RIMBP2: variants seen among roughly 807,000 people sequenced by gnomAD.
The protein encoded by RIMBP2 is RIMS binding protein 2.
In RIMBP2, 48 loss-of-function variants were observed where a neutral mutation model predicts 118.6. The observed-to-expected ratio is 0.40, with a 90% confidence interval of 0.32 to 0.51. The LOEUF is 0.51. Among genes scored for constraint, RIMBP2 ranks in the 20% least tolerant of loss-of-function variants. The pLI is 0.41. For synonymous variants in RIMBP2, 762 were observed against 742.9 expected (o/e 1.03, Z -0.42); for missense variants, 1,551 against 1,768.3 (o/e 0.88, Z 2.20).
intron 19 of RIMBP2, among the ~76,000 whole-genome samples, chr12:130,412,133 T>A (rs542397826): frequency 1.3e-5 from 2 of 152,164 alleles, no homozygotes; most frequent in Non-Finnish European, 2.9e-5. Context: ...TCACTGGTGC[T>A]TGCAGACTGG....
chr12:130,609,847 C>A (rs1381622122), intron 2 of RIMBP2, among the ~76,000 whole-genome samples: 1 of 152,100 alleles, frequency 6.6e-6, no homozygotes, highest in African/African-American at 2.4e-5. Context: ...TCAGCATCTG[C>A]GGGCAGGACA....
intron 7 of RIMBP2, among the ~76,000 whole-genome samples, chr12:130,451,683 C>T (rs1018108569): frequency 7.3e-5 from 11 of 151,590 alleles, no homozygotes; most frequent in African/African-American, 2.7e-4. Flanking sequence ...CTCAGGGAGG[C>T]CGCAAACCTC....
At position 130,682,998 on chromosome 12, in the gene RIMBP2, C is replaced by T. The variant is rs139260196; in HGVS notation, c.-352+33224G>A. Among the ~76,000 whole-genome samples, 448 of 152,224 alleles carry T rather than the reference C, an allele frequency of 2.9e-3. 3 individuals are homozygous for T. The highest frequency in any genetic ancestry group is 1.1e-3 in the Non-Finnish European group (74 of 68,018). On this transcript the variant is annotated intron_variant, in intron 1 of 22. Coordinates refer to ENST00000690449, the MANE Select transcript of RIMBP2 (RefSeq NM_001393629.1). ...GGCTTATTTTGTTGTCTAATTATGT[C>T]GGAGGCGCACTATGTCTCATTCTTT... is the stretch of plus-strand genomic sequence containing the variant.
intron 2 of RIMBP2, among the ~76,000 whole-genome samples, chr12:130,597,995 G>T (rs1477259655): frequency 1.3e-5 from 2 of 152,090 alleles, no homozygotes; most frequent in African/African-American, 4.8e-5. Context: ...AAATCCAACA[G>T]AATTAACAAA....
At chr12:130,713,257 GGAAGGAAGGAA>G (rs1950085332) in intron 1 of RIMBP2, among the ~76,000 whole-genome samples, 4 of 150,602 alleles carry the variant, frequency 2.7e-5, no homozygotes, top group African/African-American at 4.9e-5. Context: ...AAGGAAGGAA[GGAAGGAAGGAA>G]GGAAGGACTG....
At chr12:130,519,523 C>G (rs1316771487) in intron 2 of RIMBP2, among the ~76,000 whole-genome samples, 1 of 152,190 alleles carries the variant, frequency 6.6e-6, no homozygotes, top group African/African-American at 2.4e-5. Flanking sequence ...TGTTGCCTTT[C>G]TCAAGTAAAG....
intron 2 of RIMBP2, among the ~76,000 whole-genome samples, chr12:130,572,290 C>G (rs140230669): frequency 1.1e-3 from 170 of 152,318 alleles, no homozygotes; most frequent in African/African-American, 3.7e-3. Context: ...GCAAAAGATG[C>G]CTTTGAAGAC....
chr12:130,676,341 G>T (rs1373367799), intron 1 of RIMBP2, among the ~76,000 whole-genome samples: 1 of 151,550 alleles, frequency 6.6e-6, no homozygotes, highest in Non-Finnish European at 1.5e-5. Flanking sequence ...AAAAAAAACG[G>T]GGGCCAGGCA....
intron 1 of RIMBP2, among the ~76,000 whole-genome samples, chr12:130,648,756 A>C (rs924666767): frequency 7.0e-6 from 1 of 143,290 alleles, no homozygotes; most frequent in African/African-American, 2.5e-5. Context: ...TCCCGGGTTC[A>C]AGCGATTCTC....
chr12:130,503,214 C>T (rs1284470833), intron 4 of RIMBP2, among the ~76,000 whole-genome samples: 1 of 148,384 alleles, frequency 6.7e-6, no homozygotes. Flanking sequence ...TCGCAAAACC[C>T]TGTCTCCACT....
intron 2 of RIMBP2, among the ~76,000 whole-genome samples, chr12:130,559,323 GC>G (rs1359474520): frequency 1.3e-5 from 2 of 151,624 alleles, no homozygotes; most frequent in Admixed American, 6.6e-5. Context: ...CCTACCCCAT[GC>G]CCTGGCCCCA....
intron 2 of RIMBP2, among the ~76,000 whole-genome samples, chr12:130,564,249 C>T (rs975494735): frequency 2.6e-5 from 4 of 152,274 alleles, no homozygotes; most frequent in East Asian, 1.9e-4. Context: ...ATATTTCATC[C>T]GACGCCACCC....
chr12:130,449,602 G>A (rs907656407), intron 9 of RIMBP2, among the ~76,000 whole-genome samples: 6 of 150,808 alleles, frequency 4.0e-5, no homozygotes, highest in Admixed American at 1.3e-4. Flanking sequence ...TCTCGGTGGC[G>A]GGATGTCCCC....
intron 2 of RIMBP2, among the ~76,000 whole-genome samples, chr12:130,580,214 T>C (rs984682621): frequency 2.8e-5 from 4 of 144,584 alleles, no homozygotes; most frequent in Admixed American, 1.4e-4. Context: ...AAAAAAAAAG[T>C]AATATTGACC....
chr12:130,451,174 C>G (rs1235663672), intron 8 of RIMBP2, 21 bp downstream of exon 8: 2 of 1,609,800 alleles, frequency 1.2e-6, no homozygotes, highest in East Asian at 2.2e-5. Flanking sequence ...GCCCCGGCAG[C>G]CCCTGCGGGA....
At position 130,693,844 on chromosome 12, in the gene RIMBP2, C is replaced by T. The variant is rs557644695; in HGVS notation, c.-352+22378G>A. On this transcript the variant is annotated intron_variant, in intron 1 of 22. Transcript: ENST00000690449. Reference sequence around the variant, plus strand: ...CTTTCTCTTGCCCCTCGTCCATTACCGCTCCCTTGCTTCCTGCCTGGAATG... The same window carrying T: ...CTTTCTCTTGCCCCTCGTCCATTACTGCTCCCTTGCTTCCTGCCTGGAATG... Among the ~76,000 whole-genome samples the T allele has an allele frequency of 1.8e-4, 28 of 152,290 alleles. No homozygotes were observed. The Middle Eastern group carries it at 0.01, about 55-fold the overall frequency.
Position 130,665,905 on chromosome 12 carries a change from G to A in RIMBP2, c.-351-37449C>T, listed in dbSNP as rs114368639. On this transcript the variant is annotated intron_variant, in intron 1 of 22. Transcript: ENST00000690449. ...ATGTTCCTGCTCTTCGGAAATGCAT[G>A]CTGGGGCACGTATGGGGTGAAGGGA... 8.2e-3 allele frequency among the ~76,000 whole-genome samples: 1,251 copies of A among 152,222 alleles called. 16 individuals carry two copies. The highest frequency in any genetic ancestry group is 0.029 in the African/African-American group (1,206 of 41,522).
intron 2 of RIMBP2, among the ~76,000 whole-genome samples, chr12:130,605,366 TAA>T (rs1435676998): frequency 2.0e-5 from 3 of 152,242 alleles, no homozygotes; most frequent in African/African-American, 4.8e-5. Flanking sequence ...TGTTTCCAAC[TAA>T]AAGAGACTAA....
At chr12:130,613,873 G>A (rs961460045) in intron 2 of RIMBP2, among the ~76,000 whole-genome samples, 7 of 149,222 alleles carry the variant, frequency 4.7e-5, no homozygotes, top group South Asian at 2.1e-4. Context: ...GGCCTTTTCC[G>A]TTCTTCCTGC....
Sources: gnomAD v4.1 joint callset for allele counts (sites outside exome capture counted in the v4.1 genomes callset) on GRCh38, gnomAD v4.1.1 for gene constraint, MANE v1.5 for transcripts, NCBI Gene and HGNC (gene_info 2026-07-23, HGNC 2026-07-21) for gene names.